The following SEMA6B variants were observed in gnomAD, a reference collection of about 807,000 sequenced individuals.
SEMA6B encodes the protein semaphorin 6B.
In SEMA6B, 47 loss-of-function variants were observed where a neutral mutation model predicts 78.6. The ratio of observed to expected loss-of-function variants is 0.60; its 90% CI spans 0.47 to 0.76. SEMA6B has a LOEUF of 0.76. SEMA6B is among the 30% of genes least tolerant of loss of function. The probability of loss-of-function intolerance (pLI) is 0.00; values close to 1 mark genes in which losing one functional copy is unlikely to be tolerated. For synonymous variants in SEMA6B, 632 were observed against 592.2 expected (o/e 1.07, Z -0.98); for missense variants, 1,213 against 1,269.9 (o/e 0.96, Z 0.68).
rs1977431649 is a variant in SEMA6B, at chr19:4,555,058, T to C, written c.600A>G (p.Leu200=). The C allele has an allele frequency of 6.2e-7, 1 of 1,613,776 alleles. No individual in the cohort carries two copies. The highest frequency in any genetic ancestry group is 8.5e-7 in the Non-Finnish European group (1 of 1,179,968). The change falls in exon 8 of 17, where the codon CTA becomes CTG. Residue 200 remains leucine, a synonymous_variant. Transcript: ENST00000586582. The surrounding 1 kb of genome is among the most constrained non-coding windows in gnomAD (Gnocchi z 6.1). Reference sequence around the variant, plus strand: ...TGCGGTAGATGACAGCATCAATGGCTAGGAAGTCGGTAACAGTAGCTGTGA... The same window carrying C: ...TGCGGTAGATGACAGCATCAATGGCCAGGAAGTCGGTAACAGTAGCTGTGA... ...MLFTATVTDF[L]AIDAVIYRSL...
chr19:4,549,177 CTCTT>C (rs971366410), intron 12 of SEMA6B, among the ~76,000 whole-genome samples: 22 of 152,084 alleles, frequency 1.4e-4, no homozygotes, highest in Admixed American at 6.6e-4. Flanking sequence ...GTCTCTTTCT[CTCTT>C]TGTCTCTCTT....
rs1977292137 is a variant in SEMA6B, at chr19:4,550,337, A to G, written c.1122-65T>C. 4 of 1,556,336 alleles carry G rather than the reference A, an allele frequency of 2.6e-6. No homozygotes were observed. In the South Asian group the frequency reaches 4.5e-5, roughly 17 times the overall value. On this transcript the variant is annotated intron_variant, in intron 11 of 16. Transcript: ENST00000586582. This position sits in a 1 kb window ranked among gnomAD's most constrained non-coding sequence, Gnocchi z 6.6. ...TTCTCATAAAGGGGCCTGATTCACC[A>G]GAGGTACCCATTGCTTTGCCCAACG... is the stretch of plus-strand genomic sequence containing the variant.
intron 9 of SEMA6B, among the ~76,000 whole-genome samples, chr19:4,553,162 T>A (rs1207052630): frequency 2.6e-5 from 4 of 152,130 alleles, no homozygotes; most frequent in Admixed American, 6.6e-5. Flanking sequence ...ATGGAAGAGA[T>A]GGTGAAGGAG....
At position 4,555,658 on chromosome 19, in the gene SEMA6B, C is replaced by T. The variant is rs1196833018; in HGVS notation, c.472-94G>A. ...CCCCCACTCCAGGGGGAATCCTGAT[C>T]CACCACGGATTACTGTGTGACCTTG... is the stretch of plus-strand genomic sequence containing the variant. On this transcript the variant is annotated intron_variant, in intron 6 of 16. Coordinates refer to ENST00000586582, the MANE Select transcript of SEMA6B (RefSeq NM_032108.4). The surrounding 1 kb of genome is among the most constrained non-coding windows in gnomAD (Gnocchi z 6.1). 4.0e-6 allele frequency: 4 copies of T among 996,984 alleles called. No individual in the cohort carries two copies. The highest frequency in any genetic ancestry group is 6.1e-6 in the Non-Finnish European group (4 of 656,270). The allele number at this position is 996,984 out of a possible 1,614,324, so 61.8% of individuals were successfully genotyped here.
rs1264405937 is a variant in SEMA6B, at chr19:4,544,757, T to TC, written c.1739-229dup. ...TTCAAGTGATTCTCCTGCCTCAGCC[T>TC]CCCGAGTAGCTGGGACCACAGGTGC... On this transcript the variant is annotated intron_variant, in intron 16 of 16. Coordinates refer to ENST00000586582, the MANE Select transcript of SEMA6B (RefSeq NM_032108.4). The surrounding 1 kb of genome is among the most constrained non-coding windows in gnomAD (Gnocchi z 5.1). Among the ~76,000 whole-genome samples the TC allele has an allele frequency of 6.6e-6, 1 of 151,970 alleles. No individual in the cohort carries two copies. The highest frequency in any genetic ancestry group is 6.6e-5 in the Admixed American group (1 of 15,244).
chr19:4,557,668 C>T (rs547059896), intron 3 of SEMA6B, among the ~76,000 whole-genome samples: 255 of 152,288 alleles, frequency 1.7e-3, no homozygotes, highest in African/African-American at 5.9e-3. Flanking sequence ...CCCTAGAAGC[C>T]CCGTAATCTC....
chr19:4,557,267 C>T (rs755131574), intron 3 of SEMA6B, 44 bp from the exon 4 acceptor site: 4 of 1,462,394 alleles, frequency 2.7e-6, no homozygotes, highest in Non-Finnish European at 3.7e-6. Context: ...GCTCCGCCAC[C>T]CTCTCCCGTT....
At position 4,554,542 on chromosome 19, in the gene SEMA6B, C is replaced by T. The variant is rs373836587; in HGVS notation, c.683-66G>A. 24 of 1,259,196 alleles carry T rather than the reference C, an allele frequency of 1.9e-5. No homozygotes were observed. The African/African-American group carries it at 2.9e-4, about 15-fold the overall frequency. The allele number at this position is 1,259,196 out of a possible 1,614,324, so 78.0% of individuals were successfully genotyped here. A position where few individuals can be genotyped will look rare whatever the true frequency, so the allele number is the denominator to read the frequency against. ...CAAAGGGGGTTTCTGGGGCTAAGAA[C>T]TCACTGGCTTTTATGGTGAAGGGGG... On this transcript the variant is annotated intron_variant, in intron 8 of 16. Coordinates refer to ENST00000586582, the MANE Select transcript of SEMA6B (RefSeq NM_032108.4).
intron 12 of SEMA6B, among the ~76,000 whole-genome samples, chr19:4,548,839 T>C (rs1439463138): frequency 6.6e-6 from 1 of 152,012 alleles, no homozygotes; most frequent in East Asian, 1.9e-4. Context: ...GGCAAGTTTA[T>C]GTTTTGTTTT....
rs1568250794 is a variant in SEMA6B at position 4,543,132 on chromosome 19, A to G, written c.*469T>C. 3.2e-6 allele frequency: 2 copies of G among 616,948 alleles called. No homozygotes were observed. Among genetic ancestry groups the G allele is most frequent in the Non-Finnish European group, 2.9e-6 (1 of 342,460 alleles). The allele number at this position is 616,948 out of a possible 1,614,324, so 38.2% of individuals were successfully genotyped here. On this transcript the variant is annotated 3_prime_UTR_variant, in exon 17 of 17. Coordinates refer to ENST00000586582, the MANE Select transcript of SEMA6B (RefSeq NM_032108.4). ...CCTTGCACACGAACACGGCACGCAC[A>G]CGCACGCACACCCACACACGCCAGG...
rs375534563 is a variant in SEMA6B at position 4,546,199 on chromosome 19, C to G, written c.1738+17G>C. On this transcript the variant is annotated intron_variant, in intron 16 of 16. Coordinates refer to ENST00000586582, the MANE Select transcript of SEMA6B (RefSeq NM_032108.4). ...AGTGGGGGATGGGGGTCTTAGCCTGCCGTCCCCCCAACTCACCTGTGCAGT... is the reference window on the plus strand; with the variant it reads ...AGTGGGGGATGGGGGTCTTAGCCTGGCGTCCCCCCAACTCACCTGTGCAGT... The G allele has an allele frequency of 1.9e-6, 3 of 1,594,392 alleles. No homozygotes were observed. Among genetic ancestry groups the G allele is most frequent in the Non-Finnish European group, 2.6e-6 (3 of 1,169,690 alleles).
In SEMA6B at chr19:4,553,379, G is replaced by GTGGATGGATGGATGGATGGATGGA. The variant is rs529191124; in HGVS notation, c.772-764_772-741dup. 1.3e-4 allele frequency among the ~76,000 whole-genome samples: 15 copies of GTGGATGGATGGATGGATGGATGGA among 116,488 alleles called. 2 individuals are homozygous for GTGGATGGATGGATGGATGGATGGA. The East Asian group carries it at 1.4e-3, about 11-fold the overall frequency. The allele number at this position is 116,488 out of a possible 152,430, so 76.4% of individuals were successfully genotyped here. A position where few individuals can be genotyped will look rare whatever the true frequency, so the allele number is the denominator to read the frequency against. ...GGTGGGTAGATGGTTGGATGGGTGAGTGGATGGATGGATGGATGGATGGAT... is the reference window on the plus strand; with the variant it reads ...GGTGGGTAGATGGTTGGATGGGTGAGTGGATGGATGGATGGATGGATGGATGGATGGATGGATGGATGGATGGAT... On this transcript the variant is annotated intron_variant, in intron 9 of 16. Coordinates refer to ENST00000586582, the MANE Select transcript of SEMA6B (RefSeq NM_032108.4).
intron 14 of SEMA6B, 126 bp downstream of exon 14, chr19:4,547,901 G>T: frequency 7.9e-7 from 1 of 1,263,310 alleles, no homozygotes; most frequent in Non-Finnish European, 1.1e-6. Flanking sequence ...CCTTTGCACG[G>T]GCCATGCCCT....
At position 4,548,423 on chromosome 19, in the gene SEMA6B, C is replaced by T; in HGVS notation, c.1294G>A (p.Val432Met). Residue 432 changes from valine (V) to methionine (M), a missense_variant, in exon 13 of 17, where the codon GTG becomes ATG. By Grantham distance (21) the Val-to-Met change is conservative. Coordinates refer to ENST00000586582, the MANE Select transcript of SEMA6B (RefSeq NM_032108.4). ...LMRHQLTRVA[V>M]DVGAGPWGNQ... is the part of the protein sequence containing the mutation. Reference sequence around the variant, plus strand: ...CCCCAGGGGCCGGCTCCCACGTCCACAGCCACTCGAGTCAGCTGGTGCCTG... The same window carrying T: ...CCCCAGGGGCCGGCTCCCACGTCCATAGCCACTCGAGTCAGCTGGTGCCTG... 1 of 1,612,758 alleles carries T rather than the reference C, an allele frequency of 6.2e-7. No homozygotes were observed. The highest frequency in any genetic ancestry group is 8.5e-7 in the Non-Finnish European group (1 of 1,179,598).
In SEMA6B at chr19:4,550,885, T is replaced by C; in HGVS notation, c.1035A>G (p.Ala345=). 1 of 1,613,484 alleles carries C rather than the reference T, an allele frequency of 6.2e-7. No individual in the cohort carries two copies. The highest frequency in any genetic ancestry group is 8.5e-7 in the Non-Finnish European group (1 of 1,179,980). ...AVCAFDLTQV[A]AVFEGRFREQ... is the part of the protein sequence containing the mutation. ...CTCGGAAGCGGCCTTCAAACACAGC[T>C]GCCACCTGTGTCAGGTCAAAGGCGC... is the stretch of plus-strand genomic sequence containing the variant. The change falls in exon 11 of 17, where the codon GCA becomes GCG. Residue 345 remains alanine, a synonymous_variant. Transcript: ENST00000586582. This position sits in a 1 kb window ranked among gnomAD's most constrained non-coding sequence, Gnocchi z 6.6.
At chr19:4,546,611 G>A (rs939176392) in intron 14 of SEMA6B, 142 bp from the exon 15 acceptor site, 25 of 444,672 alleles carry the variant, frequency 5.6e-5, no homozygotes, top group South Asian at 2.9e-4. Flanking sequence ...ACGGAATTTC[G>A]CTCTTGTTGT....
Position 4,555,827 on chromosome 19 carries a change from G to C in SEMA6B, c.471+161C>G, listed in dbSNP as rs546285584. On this transcript the variant is annotated intron_variant, in intron 6 of 16. Coordinates refer to ENST00000586582, the MANE Select transcript of SEMA6B (RefSeq NM_032108.4). The surrounding 1 kb of genome is among the most constrained non-coding windows in gnomAD (Gnocchi z 6.1). The stretch of plus-strand genomic sequence containing the variant: ...CCTGTACAGGCCTCGTTTGGACAGC[G>C]CTGACTCCTCTTGAGCTCAGGGGGA... Among the ~76,000 whole-genome samples the C allele has an allele frequency of 1.2e-4, 19 of 152,198 alleles. No homozygotes were observed. Among genetic ancestry groups the C allele is most frequent in the Non-Finnish European group, 1.8e-4 (12 of 68,028 alleles).
At position 4,547,887 on chromosome 19, in the gene SEMA6B, C is replaced by T. The variant is rs551528911; in HGVS notation, c.1601+140G>A. Reference sequence around the variant, plus strand: ...AACACACCAGGAGTGGTCCTGCCCGCGGGCCTTTGCACGGGCCATGCCCTC... The same window carrying T: ...AACACACCAGGAGTGGTCCTGCCCGTGGGCCTTTGCACGGGCCATGCCCTC... On this transcript the variant is annotated intron_variant, in intron 14 of 16. Transcript: ENST00000586582. 4.4e-5 allele frequency: 48 copies of T among 1,098,662 alleles called. No homozygotes were observed. The Admixed American group carries it at 6.2e-4, about 14-fold the overall frequency. 68.1% of individuals were successfully genotyped at this position (1,098,662 alleles called of 1,614,324 possible). A position where few individuals can be genotyped will look rare whatever the true frequency, so the allele number is the denominator to read the frequency against.
At chr19:4,556,805 A>G in intron 5 of SEMA6B, 146 bp downstream of exon 5, 2 of 622,186 alleles carry the variant, frequency 3.2e-6, no homozygotes, top group Non-Finnish European at 5.2e-6. Flanking sequence ...CAGGGCTGGC[A>G]GTTGGGCGGG....
Sources: gnomAD v4.1 joint callset for allele counts (sites outside exome capture counted in the v4.1 genomes callset) on GRCh38, gnomAD v4.1.1 for gene constraint, Gnocchi (gnomAD v3.1) non-coding constraint, MANE v1.5 for transcripts, NCBI Gene and HGNC (gene_info 2026-07-23, HGNC 2026-07-21) for gene names.